Variants in PITPNM2 observed in about 807,000 individuals in gnomAD.
PITPNM2 encodes the protein membrane-associated phosphatidylinositol transfer protein 2.
In PITPNM2, 35 loss-of-function variants were observed where a neutral mutation model predicts 132.2. That is an observed-to-expected ratio of 0.26 (90% CI 0.20 to 0.35). PITPNM2 has a LOEUF of 0.35. Among genes scored for constraint, PITPNM2 ranks in the 10% least tolerant of loss-of-function variants. The pLI is 1.00. For synonymous variants in PITPNM2, 738 were observed against 799.2 expected, an observed-to-expected ratio of 0.92 and a Z score of 1.29; for missense variants, 1,332 against 1,912.0, an observed-to-expected ratio of 0.70 and a Z score of 5.66.
chr12:123,114,294 A>G (rs990262466), intron 1 of PITPNM2, among the ~76,000 whole-genome samples: 9 of 152,006 alleles, frequency 5.9e-5, no homozygotes, highest in African/African-American at 1.9e-4. Flanking sequence ...TCAAAACTCA[A>G]AAGGATAAAA....
Position 123,005,817 on chromosome 12 carries a change from G to A in PITPNM2, c.644-269C>T. 2.0e-6 allele frequency: 1 copy of A among 506,984 alleles called. No homozygotes were observed. The allele number at this position is 506,984 out of a possible 1,614,324, so 31.4% of individuals were successfully genotyped here. On this transcript the variant is annotated intron_variant, in intron 6 of 25. Transcript: ENST00000320201. This position sits in a 1 kb window ranked among gnomAD's most constrained non-coding sequence, Gnocchi z 6.2. The stretch of plus-strand genomic sequence containing the variant: ...TGTGTCCGGTCAGAAGCCACAGTTG[G>A]AAGGGCGCAGTGGCTCATGCCTGTA...
In PITPNM2 at chr12:123,095,720, A is replaced by G. The variant is rs2042392494; in HGVS notation, c.-96+14665T>C. 6.6e-6 allele frequency among the ~76,000 whole-genome samples: 1 copy of G among 152,132 alleles called. No homozygotes were observed. The highest frequency in any genetic ancestry group is 1.5e-5 in the Non-Finnish European group (1 of 68,018). ...GCCAGACTCTCACAGACAGGAGCCC[A>G]TGGGGCTCCTCCTGCCTCGGGGCCA... On this transcript the variant is annotated intron_variant, in intron 2 of 25. Coordinates refer to ENST00000320201, the MANE Select transcript of PITPNM2 (RefSeq NM_020845.3). This position sits in a 1 kb window ranked among gnomAD's most constrained non-coding sequence, Gnocchi z 5.0.
chr12:123,015,790 G>C (rs771624631), intron 3 of PITPNM2, among the ~76,000 whole-genome samples: 5 of 152,094 alleles, frequency 3.3e-5, no homozygotes, highest in African/African-American at 4.8e-5. Flanking sequence ...GTGTATCAAA[G>C]AGCACTATGA....
At chr12:123,049,948 C>G (rs969632857) in intron 2 of PITPNM2, among the ~76,000 whole-genome samples, 3 of 152,264 alleles carry the variant, frequency 2.0e-5, no homozygotes, top group East Asian at 3.8e-4. Flanking sequence ...CGCCAAGCAG[C>G]CAAAGTGCTA....
intron 1 of PITPNM2, among the ~76,000 whole-genome samples, chr12:123,146,684 G>A (rs982205563): frequency 3.6e-4 from 54 of 151,664 alleles, no homozygotes; most frequent in Admixed American, 1.5e-3. Flanking sequence ...AACAGCACTC[G>A]TCGTGTCTTT....
chr12:123,117,578 A>G lies in PITPNM2; in HGVS notation c.-199-7090T>C, dbSNP rs780380492. On this transcript the variant is annotated intron_variant, in intron 1 of 25. Transcript: ENST00000320201. This position sits in a 1 kb window ranked among gnomAD's most constrained non-coding sequence, Gnocchi z 4.7. ...CTCAGTTCAGCTCCAACATTCTACA[A>G]TCCTATGATTTGGACAGAAGGGAAT... Among the ~76,000 whole-genome samples, 1 of 152,146 alleles carries G rather than the reference A, an allele frequency of 6.6e-6. No individual in the cohort carries two copies. The highest frequency in any genetic ancestry group is 6.5e-5 in the Admixed American group (1 of 15,274).
intron 2 of PITPNM2, among the ~76,000 whole-genome samples, chr12:123,096,772 G>T (rs997575506): frequency 2.0e-5 from 3 of 152,214 alleles, no homozygotes; most frequent in Non-Finnish European, 2.9e-5. Flanking sequence ...GATCCAGGCA[G>T]GGCAGAAGCA....
At chr12:123,055,273 C>T (rs974012825) in intron 2 of PITPNM2, among the ~76,000 whole-genome samples, 1 of 152,220 alleles carries the variant, frequency 6.6e-6, no homozygotes. Context: ...GCAGATGCAG[C>T]TCGACATAAA....
rs75718868 is a variant in PITPNM2, at chr12:123,142,118, C to T, written c.-200+8635G>A. On this transcript the variant is annotated intron_variant, in intron 1 of 25. Transcript: ENST00000320201. ...AATTGCACCGGTCAGCAGTCACTAC[C>T]GTGAACTCACAATGCTCTGGTGAGT... is the stretch of plus-strand genomic sequence containing the variant. Among the ~76,000 whole-genome samples the T allele has an allele frequency of 8.0e-3, 1,215 of 152,262 alleles. 19 individuals carry two copies. The highest frequency in any genetic ancestry group is 0.027 in the African/African-American group (1,121 of 41,534).
chr12:123,070,524 G>A (rs185280738), intron 2 of PITPNM2, among the ~76,000 whole-genome samples: 5 of 152,254 alleles, frequency 3.3e-5, no homozygotes, highest in Non-Finnish European at 7.4e-5. Context: ...CACCCAGGCC[G>A]GGCAGCCCAG....
At position 123,036,287 on chromosome 12, in the gene PITPNM2, A is replaced by G. The variant is rs2040264608; in HGVS notation, c.-95-1602T>C. Among the ~76,000 whole-genome samples, 1 of 152,204 alleles carries G rather than the reference A, an allele frequency of 6.6e-6. No homozygotes were observed. The highest frequency in any genetic ancestry group is 6.5e-5 in the Admixed American group (1 of 15,284). ...GTTAAAAGAAGTTCTTAAATAAGCC[A>G]CTTAGGGAGAAAGACAGAGAGAGGA... On this transcript the variant is annotated intron_variant, in intron 2 of 25. Transcript: ENST00000320201. The surrounding 1 kb of genome is among the most constrained non-coding windows in gnomAD (Gnocchi z 4.1).
Position 123,078,911 on chromosome 12 carries a change from G to A in PITPNM2, c.-96+31474C>T, listed in dbSNP as rs1425991525. 6.6e-6 allele frequency among the ~76,000 whole-genome samples: 1 copy of A among 152,222 alleles called. No homozygotes were observed. Among genetic ancestry groups the A allele is most frequent in the East Asian group, 1.9e-4 (1 of 5,196 alleles). ...GCAGCGAAATGGGGCTGGGAAGAAAGCCACGAGACCTCAGTGGGGTCGCAG... is the reference window on the plus strand; with the variant it reads ...GCAGCGAAATGGGGCTGGGAAGAAAACCACGAGACCTCAGTGGGGTCGCAG... On this transcript the variant is annotated intron_variant, in intron 2 of 25. Coordinates refer to ENST00000320201, the MANE Select transcript of PITPNM2 (RefSeq NM_020845.3). This position sits in a 1 kb window ranked among gnomAD's most constrained non-coding sequence, Gnocchi z 7.3.
intron 3 of PITPNM2, among the ~76,000 whole-genome samples, chr12:123,015,968 C>T (rs1406636266): frequency 1.3e-5 from 2 of 152,256 alleles, no homozygotes; most frequent in East Asian, 1.9e-4. Flanking sequence ...AGAAGATATA[C>T]GAATGGCCAA....
rs2038383765 is a variant in PITPNM2 at position 122,995,479 on chromosome 12, T to A, written c.1964A>T (p.Glu655Val). ...NVDIPRSNGTEDPKRQLPRKR... is the reference protein window; with the variant it reads ...NVDIPRSNGTVDPKRQLPRKR... Reference sequence around the variant, plus strand: ...GCGGGGCAGTTGCCTTTTGGGGTCCTCAGTGCCGTTGCTGCGGGGGATGTC... The same window carrying A: ...GCGGGGCAGTTGCCTTTTGGGGTCCACAGTGCCGTTGCTGCGGGGGATGTC... Residue 655 changes from glutamate to valine, a missense_variant, in exon 14 of 26, where the codon GAG (glutamate) becomes GTG (valine). This residue lies in a region of PITPNM2 where 710 missense variants were observed against 911.5 expected (regional missense o/e 0.78). Coordinates refer to ENST00000320201, the MANE Select transcript of PITPNM2 (RefSeq NM_020845.3). The A allele has an allele frequency of 2.5e-6, 4 of 1,614,012 alleles. No individual in the cohort carries two copies. In the Admixed American group the frequency reaches 6.7e-5, roughly 27 times the overall value.
At chr12:122,997,058 G>T in intron 11 of PITPNM2, 148 bp from the exon 12 acceptor site, 1 of 948,476 alleles carries the variant, frequency 1.1e-6, no homozygotes, top group Non-Finnish European at 1.5e-6. Flanking sequence ...TGGGGGACCA[G>T]GGTGGGTAAG....
intron 3 of PITPNM2, among the ~76,000 whole-genome samples, chr12:123,027,557 G>C (rs1412244556): frequency 6.6e-6 from 1 of 152,222 alleles, no homozygotes; most frequent in Non-Finnish European, 1.5e-5. Context: ...CTGGGGATGG[G>C]GATGAATGGG....
At chr12:123,029,955 GC>G (rs35969281) in intron 3 of PITPNM2, among the ~76,000 whole-genome samples, 26,081 of 151,900 alleles carry the variant, frequency 0.17, 2,429 homozygotes, top group South Asian at 0.28. Context: ...CCTAAACCCT[GC>G]CCTGAGACAC....
At chr12:123,128,569 T>C (rs2043197652) in intron 1 of PITPNM2, among the ~76,000 whole-genome samples, 1 of 150,334 alleles carries the variant, frequency 6.7e-6, no homozygotes, top group Non-Finnish European at 1.5e-5. Context: ...TTGGCTAACA[T>C]GTTGAAACCC....
chr12:122,989,984 G>T (rs890440448), intron 17 of PITPNM2, 36 bp from the exon 18 acceptor site: 1 of 1,295,346 alleles, frequency 7.7e-7, no homozygotes. Context: ...TCAGCCACGC[G>T]GGGATGACCG....
Sources: gnomAD v4.1 joint callset for allele counts (sites outside exome capture counted in the v4.1 genomes callset) on GRCh38, gnomAD v4.1.1 for gene constraint, gnomAD v4.1.1 regional missense constraint, Gnocchi (gnomAD v3.1) non-coding constraint, MANE v1.5 for transcripts, NCBI Gene and HGNC (gene_info 2026-07-23, HGNC 2026-07-21) for gene names.